The following C5orf52 variants were observed in gnomAD, a reference collection of about 807,000 sequenced individuals.
The protein encoded by C5orf52 is uncharacterized protein C5orf52.
Under a neutral mutation model 16.8 loss-of-function variants are expected in C5orf52, and 15 were observed. The ratio of observed to expected loss-of-function variants is 0.89; its 90% CI spans 0.60 to 1.38. C5orf52 has a LOEUF of 1.38. Ranked by LOEUF, C5orf52 falls within the 40% of genes most tolerant of loss-of-function variation. The pLI, the probability that C5orf52 is intolerant of heterozygous loss-of-function variation, is 0.00. For missense variants in C5orf52, 206 were observed against 213.1 expected (o/e 0.97, Z 0.21); for synonymous variants, 83 against 87.2 (o/e 0.95, Z 0.27).
intron 2 of C5orf52, 105 bp from the exon 3 acceptor site, chr5:157,679,736 T>C: frequency 2.7e-6 from 3 of 1,103,090 alleles, no homozygotes; most frequent in Non-Finnish European, 3.8e-6. Context: ...GCTGACACTT[T>C]TCCCACTCCC....
intron 2 of C5orf52, among the ~76,000 whole-genome samples, chr5:157,679,002 C>T (rs1263160162): frequency 2.6e-5 from 4 of 151,750 alleles, no homozygotes; most frequent in African/African-American, 7.3e-5. Context: ...GGTGTGGTGG[C>T]GGGCGCATGT....
intron 2 of C5orf52, among the ~76,000 whole-genome samples, chr5:157,675,679 G>C (rs1196121347): frequency 6.6e-6 from 1 of 151,912 alleles, no homozygotes; most frequent in African/African-American, 2.4e-5. Context: ...TGGCAGCCAG[G>C]TGTGTGGCAA....
intron 2 of C5orf52, among the ~76,000 whole-genome samples, chr5:157,675,975 C>G (rs1759886993): frequency 6.6e-6 from 1 of 152,064 alleles, no homozygotes; most frequent in Non-Finnish European, 1.5e-5. Context: ...GGGACAGGTA[C>G]TGTGTTGGGC....
intron 1 of C5orf52, among the ~76,000 whole-genome samples, chr5:157,674,060 A>G (rs974317982): frequency 3.9e-5 from 6 of 152,166 alleles, no homozygotes; most frequent in Non-Finnish European, 8.8e-5. Flanking sequence ...AAGTGTATCC[A>G]CTTTTCACCA....
chr5:157,671,708 A>T lies in C5orf52; in HGVS notation c.94A>T (p.Thr32Ser). Reference sequence around the variant, plus strand: ...CCAGGCGACCACCAGTTCCAGCGCCACCTCGGGTTCGAACTACCAGCGCGA... The same window carrying T: ...CCAGGCGACCACCAGTTCCAGCGCCTCCTCGGGTTCGAACTACCAGCGCGA... ...AAQATTSSSA[T>S]SGSNYQRDRL... is the part of the protein sequence containing the mutation. The change falls in exon 1 of 3, where the codon ACC becomes TCC. Residue 32 changes from threonine to serine, a missense_variant. Physicochemically the swap from Thr to Ser is moderately conservative, Grantham distance 58 (BLOSUM62 1). Transcript: ENST00000409999. 1 of 1,551,236 alleles carries T rather than the reference A, an allele frequency of 6.4e-7. No individual in the cohort carries two copies. Among genetic ancestry groups the T allele is most frequent in the Non-Finnish European group, 8.7e-7 (1 of 1,146,878 alleles).
chr5:157,673,735 C>G (rs2113865113), intron 1 of C5orf52, among the ~76,000 whole-genome samples: 1 of 152,208 alleles, frequency 6.6e-6, no homozygotes, highest in South Asian at 2.1e-4. Context: ...ACCTCCGCCT[C>G]CTGGGTTCAT....
chr5:157,671,694 C>G lies in C5orf52; in HGVS notation c.80C>G (p.Thr27Ser). 1.9e-6 allele frequency: 3 copies of G among 1,551,456 alleles called. No homozygotes were observed. Among genetic ancestry groups the G allele is most frequent in the African/African-American group, 1.4e-5 (1 of 73,192 alleles). The change falls in exon 1 of 3, where the codon ACC becomes AGC. Residue 27 changes from threonine to serine, a missense_variant. By Grantham distance (58) the Thr-to-Ser change is moderately conservative. Coordinates refer to ENST00000409999, the MANE Select transcript of C5orf52 (RefSeq NM_001145132.2). ...TIGGTAAQAT[T>S]SSSATSGSNY... Reference sequence around the variant, plus strand: ...GGCGGGACCGCCGCCCAGGCGACCACCAGTTCCAGCGCCACCTCGGGTTCG... The same window carrying G: ...GGCGGGACCGCCGCCCAGGCGACCAGCAGTTCCAGCGCCACCTCGGGTTCG...
intron 2 of C5orf52, among the ~76,000 whole-genome samples, chr5:157,676,364 C>T (rs928448524): frequency 2.6e-5 from 4 of 152,108 alleles, no homozygotes; most frequent in African/African-American, 4.8e-5. Flanking sequence ...TGAGCCACCA[C>T]GCACAGCTGC....
intron 2 of C5orf52, among the ~76,000 whole-genome samples, chr5:157,675,537 C>G (rs1759877840): frequency 6.6e-6 from 1 of 152,098 alleles, no homozygotes; most frequent in Non-Finnish European, 1.5e-5. Context: ...CACGCAGTGG[C>G]TCATACCTCT....
At chr5:157,678,264 C>T (rs891646738) in intron 2 of C5orf52, among the ~76,000 whole-genome samples, 62 of 152,276 alleles carry the variant, frequency 4.1e-4, no homozygotes, top group African/African-American at 1.4e-3. Flanking sequence ...ATTGACTGGC[C>T]TTTATGAAGA....
chr5:157,671,775 C>G lies in C5orf52; in HGVS notation c.161C>G (p.Pro54Arg). 1 of 1,549,968 alleles carries G rather than the reference C, an allele frequency of 6.5e-7. No homozygotes were observed. The highest frequency in any genetic ancestry group is 1.4e-5 in the African/African-American group (1 of 73,184). Residue 54 changes from proline (P) to arginine (R), a missense_variant, in exon 1 of 3, where the codon CCG becomes CGG. Pro to Arg is a moderately radical substitution (Grantham distance 103, BLOSUM62 -2). Transcript: ENST00000409999. ...RRPEIGVGGQ[P>R]QICFPRPRSA... ...CCAGAAATCGGCGTAGGGGGTCAGC[C>G]GCAGATCTGCTTTCCGCGGCCGAGG...
chr5:157,676,635 T>C (rs1759898898), intron 2 of C5orf52, among the ~76,000 whole-genome samples: 1 of 152,230 alleles, frequency 6.6e-6, no homozygotes, highest in Non-Finnish European at 1.5e-5. Flanking sequence ...CTCCAGACTC[T>C]GCTTTCTCAT....
chr5:157,673,767 C>T (rs1759841875), intron 1 of C5orf52, among the ~76,000 whole-genome samples: 1 of 152,166 alleles, frequency 6.6e-6, no homozygotes, highest in East Asian at 1.9e-4. Flanking sequence ...GCCCCAGCCT[C>T]CCGAGTAGCT....
intron 2 of C5orf52, among the ~76,000 whole-genome samples, chr5:157,678,354 C>T (rs867703969): frequency 5.3e-5 from 8 of 152,188 alleles, no homozygotes; most frequent in East Asian, 1.9e-4. Flanking sequence ...TGTTAAAAAA[C>T]GTACATTCCC....
rs1759976693 is a variant in C5orf52, at chr5:157,680,014, A to G, written c.*15A>G. On this transcript the variant is annotated 3_prime_UTR_variant, in exon 3 of 3. Coordinates refer to ENST00000409999, the MANE Select transcript of C5orf52 (RefSeq NM_001145132.2). ...CACCAGTTTAAACTCCAGTCTCCCA[A>G]GAAAGGCCAACCACCCTAGTTCTGG... 5.2e-6 allele frequency: 8 copies of G among 1,550,086 alleles called. No homozygotes were observed. The highest frequency in any genetic ancestry group is 1.2e-5 in the South Asian group (1 of 83,792).
intron 2 of C5orf52, among the ~76,000 whole-genome samples, chr5:157,677,352 G>A (rs1377531811): frequency 1.3e-5 from 2 of 152,176 alleles, no homozygotes; most frequent in South Asian, 4.1e-4. Flanking sequence ...AGGCCAAAAA[G>A]CCTACTGTCA....
intron 1 of C5orf52, among the ~76,000 whole-genome samples, chr5:157,673,201 T>C (rs150586647): frequency 0.027 from 4,025 of 151,738 alleles, 77 homozygotes; most frequent in South Asian, 0.043. Flanking sequence ...TAGCCGGGCA[T>C]GGTGGCTGGC....
At position 157,673,118 on chromosome 5, in the gene C5orf52, G is replaced by A. The variant is rs181293100; in HGVS notation, c.212+1292G>A. On this transcript the variant is annotated intron_variant, in intron 1 of 2. Coordinates refer to ENST00000409999, the MANE Select transcript of C5orf52 (RefSeq NM_001145132.2). The stretch of plus-strand genomic sequence containing the variant: ...TTTGGGAGGCTGAGGAGGGTGGATC[G>A]CCTGAGCTCAGGAGTTCGAGACCAG... 2.6e-3 allele frequency among the ~76,000 whole-genome samples: 396 copies of A among 151,898 alleles called. 3 individuals carry two copies. The highest frequency in any genetic ancestry group is 5.2e-4 in the Non-Finnish European group (35 of 67,956).
At chr5:157,676,661 T>G (rs1347336066) in intron 2 of C5orf52, among the ~76,000 whole-genome samples, 1 of 152,188 alleles carries the variant, frequency 6.6e-6, no homozygotes, top group Non-Finnish European at 1.5e-5. Flanking sequence ...AAATAGGATC[T>G]ATTAAGATCC....
Sources: allele counts gnomAD v4.1 joint callset (sites outside exome capture counted in the v4.1 genomes callset), GRCh38; gene constraint gnomAD v4.1.1; transcripts MANE v1.5; gene names NCBI Gene and HGNC (gene_info 2026-07-23, HGNC 2026-07-21).